Variants in IKZF3 observed in about 807,000 individuals in gnomAD.
IKZF3 encodes the protein zinc finger protein Aiolos.
In IKZF3, 10 loss-of-function variants were observed where a neutral mutation model predicts 49.0. That is an observed-to-expected ratio of 0.20 (90% confidence interval 0.13 to 0.35). The LOEUF is 0.35. IKZF3 is among the 10% of genes least tolerant of loss of function. IKZF3 has a pLI of 1.00. For missense variants in IKZF3, 498 were observed against 664.8 expected (o/e 0.75, Z 2.76); for synonymous variants, 209 against 228.2 (o/e 0.92, Z 0.76).
intron 3 of IKZF3, among the ~76,000 whole-genome samples, chr17:39,813,908 C>T (rs1401973026): frequency 2.0e-5 from 3 of 152,192 alleles, no homozygotes; most frequent in East Asian, 1.9e-4. Flanking sequence ...TAAGCAGTAC[C>T]GCGGGAGCCT....
rs1057514901 is a variant in IKZF3 at position 39,763,588 on chromosome 17, C to T, written c.*2202G>A. The T allele has an allele frequency of 6.6e-6, 1 of 151,900 alleles. No individual in the cohort carries two copies. Among genetic ancestry groups the T allele is most frequent in the Non-Finnish European group, 1.5e-5 (1 of 68,010 alleles). The allele number at this position is 151,900 out of a possible 1,614,324, so 9.4% of individuals were successfully genotyped here. A position where few individuals can be genotyped will look rare whatever the true frequency, so the allele number is the denominator to read the frequency against. Reference sequence around the variant, plus strand: ...TCAAAATACCTTTCTGTTTTTTGTTCCTCTCCACCACCTTCTTCACATTCA... The same window carrying T: ...TCAAAATACCTTTCTGTTTTTTGTTTCTCTCCACCACCTTCTTCACATTCA... On this transcript the variant is annotated 3_prime_UTR_variant, in exon 8 of 8. Coordinates refer to ENST00000346872, the MANE Select transcript of IKZF3 (RefSeq NM_012481.5).
intron 1 of IKZF3, among the ~76,000 whole-genome samples, chr17:39,849,524 C>T (rs1199830776): frequency 4.0e-5 from 6 of 151,812 alleles, no homozygotes; most frequent in South Asian, 2.1e-4. Context: ...CCAGGTGGGG[C>T]GGTAGTCACC....
chr17:39,792,994 C>A, intron 3 of IKZF3, 61 bp from the exon 4 acceptor site: 1 of 1,536,192 alleles, frequency 6.5e-7, no homozygotes, highest in South Asian at 1.2e-5. Flanking sequence ...CAAAGCAGCT[C>A]AAACAGCAGA....
chr17:39,818,382 T>C (rs1168031888), intron 3 of IKZF3, among the ~76,000 whole-genome samples: 9 of 152,188 alleles, frequency 5.9e-5, no homozygotes, highest in Non-Finnish European at 1.3e-4. Flanking sequence ...CACTATACTA[T>C]AATAAAAGGT....
intron 3 of IKZF3, among the ~76,000 whole-genome samples, chr17:39,822,729 C>T (rs548605681): frequency 1.3e-5 from 2 of 152,022 alleles, no homozygotes; most frequent in Non-Finnish European, 2.9e-5. Context: ...ACTACAGGTG[C>T]CCACCACCAC....
chr17:39,782,873 C>T (rs2060779869), intron 6 of IKZF3, among the ~76,000 whole-genome samples: 1 of 152,032 alleles, frequency 6.6e-6, no homozygotes, highest in Non-Finnish European at 1.5e-5. Context: ...AGTAGACATA[C>T]TAATTTTCAT....
intron 3 of IKZF3, among the ~76,000 whole-genome samples, chr17:39,809,896 T>C (rs1373291375): frequency 6.6e-6 from 1 of 152,256 alleles, no homozygotes; most frequent in Admixed American, 6.5e-5. Context: ...CAAAATTGTT[T>C]ATGTTGGAAG....
chr17:39,848,442 A>G (rs900795549), intron 1 of IKZF3, among the ~76,000 whole-genome samples: 1 of 152,238 alleles, frequency 6.6e-6, no homozygotes, highest in African/African-American at 2.4e-5. Context: ...AAAAATGGGC[A>G]TTTCATGTCA....
In IKZF3 at chr17:39,779,077, A is replaced by C. The variant is rs951645929; in HGVS notation, c.710-1310T>G. Among the ~76,000 whole-genome samples the C allele has an allele frequency of 1.7e-4, 26 of 152,242 alleles. 1 individual carries two copies. Among genetic ancestry groups the C allele is most frequent in the Non-Finnish European group, 3.2e-4 (22 of 68,042 alleles). On this transcript the variant is annotated intron_variant, in intron 6 of 7. Transcript: ENST00000346872. ...TTGAGAACTACTAGAAGAGTATATA[A>C]ATAGTGGCAATATCTAATCAACTAA...
At chr17:39,788,690 G>A (rs1485289762) in intron 5 of IKZF3, among the ~76,000 whole-genome samples, 1 of 152,110 alleles carries the variant, frequency 6.6e-6, no homozygotes, top group Non-Finnish European at 1.5e-5. Flanking sequence ...AAGAAAATAG[G>A]GCCCTTTTAT....
rs1313531269 is a variant in IKZF3, at chr17:39,762,191, A to T, written c.*3599T>A. On this transcript the variant is annotated 3_prime_UTR_variant, in exon 8 of 8. Coordinates refer to ENST00000346872, the MANE Select transcript of IKZF3 (RefSeq NM_012481.5). Reference sequence around the variant, plus strand: ...CAGGGCTTCAGTGCCCAGCAGTGGCAGATGCAAGTCCTGACTCTGCCCTTC... The same window carrying T: ...CAGGGCTTCAGTGCCCAGCAGTGGCTGATGCAAGTCCTGACTCTGCCCTTC... 1 of 152,316 alleles carries T rather than the reference A, an allele frequency of 6.6e-6. No individual in the cohort carries two copies. The highest frequency in any genetic ancestry group is 6.5e-5 in the Admixed American group (1 of 15,282). 9.4% of individuals were successfully genotyped at this position (152,316 alleles called of 1,614,324 possible).
At chr17:39,777,855 G>C in intron 6 of IKZF3, 88 bp from the exon 7 acceptor site, 1 of 1,546,082 alleles carries the variant, frequency 6.5e-7, no homozygotes. Context: ...AGAAGTGTCC[G>C]AAGTTGGATG....
chr17:39,833,106 CAT>C (rs1197983011), intron 1 of IKZF3, among the ~76,000 whole-genome samples: 3 of 152,158 alleles, frequency 2.0e-5, no homozygotes, highest in East Asian at 1.9e-4. Flanking sequence ...TGCTTTCTCA[CAT>C]ATGTTTCCAC....
chr17:39,796,736 C>G (rs112350333), intron 3 of IKZF3, among the ~76,000 whole-genome samples: 1 of 148,950 alleles, frequency 6.7e-6, no homozygotes, highest in Non-Finnish European at 1.5e-5. Flanking sequence ...TTAGTAGAGA[C>G]GGGGTTTCAC....
intron 1 of IKZF3, among the ~76,000 whole-genome samples, chr17:39,837,565 C>T (rs1263447559): frequency 6.6e-6 from 1 of 151,758 alleles, no homozygotes; most frequent in South Asian, 2.1e-4. Context: ...TAAACCACCA[C>T]ACCTGGCCCA....
chr17:39,765,512 T>G lies in IKZF3; in HGVS notation c.*278A>C. 1 of 355,004 alleles carries G rather than the reference T, an allele frequency of 2.8e-6. No homozygotes were observed. Among genetic ancestry groups the G allele is most frequent in the South Asian group, 4.7e-5 (1 of 21,474 alleles). The allele number at this position is 355,004 out of a possible 1,614,324, so 22.0% of individuals were successfully genotyped here. A position where few individuals can be genotyped will look rare whatever the true frequency, so the allele number is the denominator to read the frequency against. ...TCCGGGACCACTCATTCCACTGCTG[T>G]AGAAGATAATGACCAAATACCTTTT... On this transcript the variant is annotated 3_prime_UTR_variant, in exon 8 of 8. Transcript: ENST00000346872.
At chr17:39,783,000 A>G (rs1173989029) in intron 6 of IKZF3, among the ~76,000 whole-genome samples, 1 of 152,226 alleles carries the variant, frequency 6.6e-6, no homozygotes, top group Non-Finnish European at 1.5e-5. Flanking sequence ...ATTTGGTTTT[A>G]GTTAACTATT....
chr17:39,772,073 G>A (rs748547471), intron 7 of IKZF3, among the ~76,000 whole-genome samples: 1 of 152,128 alleles, frequency 6.6e-6, no homozygotes, highest in Non-Finnish European at 1.5e-5. Context: ...AAGGGCAGAT[G>A]TGAGGGAGGC....
chr17:39,861,758 T>C (rs1240692380), intron 1 of IKZF3, among the ~76,000 whole-genome samples: 1 of 152,104 alleles, frequency 6.6e-6, no homozygotes, highest in Non-Finnish European at 1.5e-5. Flanking sequence ...CTAGGTATGT[T>C]TGGTGTAGGG....
Sources: allele counts gnomAD v4.1 joint callset (sites outside exome capture counted in the v4.1 genomes callset), GRCh38; gene constraint gnomAD v4.1.1; transcripts MANE v1.5; gene names NCBI Gene and HGNC (gene_info 2026-07-23, HGNC 2026-07-21).